AOAH: variants seen among roughly 807,000 people sequenced by gnomAD.
AOAH encodes acyloxyacyl hydrolase (neutrophil).
A neutral mutation model predicts 92.2 loss-of-function variants in AOAH; 64 were observed. The observed-to-expected ratio is 0.69, with a 90% CI of 0.57 to 0.86. The LOEUF is 0.86. Ranked by LOEUF, AOAH falls within the 40% of genes least tolerant of loss-of-function variation. The pLI is 0.00. For synonymous variants in AOAH, 263 were observed against 254.5 expected, an observed-to-expected ratio of 1.03 and a Z score of -0.32; for missense variants, 656 against 694.6, an observed-to-expected ratio of 0.94 and a Z score of 0.62.
chr7:36,654,094 C>T (rs957325283), intron 4 of AOAH, among the ~76,000 whole-genome samples: 1 of 122,750 alleles, frequency 8.1e-6, no homozygotes, highest in Non-Finnish European at 1.9e-5. Flanking sequence ...AAGGGAGAGC[C>T]AGTCACGTGC....
At chr7:36,695,404 A>C (rs1293228137) in intron 1 of AOAH, among the ~76,000 whole-genome samples, 1 of 152,120 alleles carries the variant, frequency 6.6e-6, no homozygotes, top group Non-Finnish European at 1.5e-5. Flanking sequence ...AAATATGAAA[A>C]TTTCTAGAAT....
chr7:36,532,095 C>T, intron 18 of AOAH, 52 bp downstream of exon 18: 1 of 1,603,700 alleles, frequency 6.2e-7, no homozygotes, highest in African/African-American at 1.3e-5. Flanking sequence ...CTGCAGCAAA[C>T]ACAGGGAAAG....
chr7:36,658,590 A>T (rs933187340), intron 4 of AOAH, among the ~76,000 whole-genome samples: 1 of 152,330 alleles, frequency 6.6e-6, no homozygotes, highest in East Asian at 1.9e-4. Flanking sequence ...TGTTATCAAT[A>T]ATGATCATTT....
intron 11 of AOAH, among the ~76,000 whole-genome samples, chr7:36,604,183 A>G (rs1790814215): frequency 6.6e-6 from 1 of 152,164 alleles, no homozygotes; most frequent in Non-Finnish European, 1.5e-5. Context: ...ACCTCTTCAT[A>G]TTAACAGTGG....
intron 12 of AOAH, among the ~76,000 whole-genome samples, chr7:36,580,994 G>A (rs1788891489): frequency 6.6e-6 from 1 of 152,158 alleles, no homozygotes; most frequent in African/African-American, 2.4e-5. Flanking sequence ...CAGTCCAGAG[G>A]CCCTTGACTT....
rs557822538 is a variant in AOAH, at chr7:36,548,679, T to C, written c.1066A>G (p.Arg356Gly). Residue 356 changes from arginine to glycine, a missense_variant, in exon 15 of 21, where the codon AGA becomes GGA. By Grantham distance (125) the Arg-to-Gly change is moderately radical. Coordinates refer to ENST00000617537, the MANE Select transcript of AOAH (RefSeq NM_001637.4). ...NLKKFIESLS[R>G]NKVLDYPAIV... ...GCGGGATAGTCCAACACCTTGTTTC[T>C]AGACAAGCTGAGAAGGCATAGATGG... 8.7e-6 allele frequency: 14 copies of C among 1,613,398 alleles called. No homozygotes were observed. In the East Asian group the frequency reaches 8.9e-5, roughly 10 times the overall value.
At chr7:36,683,419 T>C (rs58909364) in intron 2 of AOAH, among the ~76,000 whole-genome samples, 3,978 of 152,220 alleles carry the variant, frequency 0.026, 142 homozygotes, top group East Asian at 0.099. Flanking sequence ...GAATAGGTGT[T>C]ATATGTAGTG....
intron 15 of AOAH, among the ~76,000 whole-genome samples, chr7:36,543,944 TTTC>T (rs1164198003): frequency 9.5e-5 from 6 of 63,434 alleles, no homozygotes; most frequent in African/African-American, 1.6e-4. Context: ...TCTTTCTTTC[TTTC>T]TTTTTTTTTT....
At chr7:36,712,608 GC>G (rs1334886034) in intron 1 of AOAH, among the ~76,000 whole-genome samples, 2 of 152,182 alleles carry the variant, frequency 1.3e-5, no homozygotes, top group Non-Finnish European at 2.9e-5. Flanking sequence ...AAAAAGGGAA[GC>G]CCATCAGACT....
At chr7:36,559,731 C>T (rs1488080536) in intron 13 of AOAH, among the ~76,000 whole-genome samples, 1 of 152,126 alleles carries the variant, frequency 6.6e-6, no homozygotes, top group African/African-American at 2.4e-5. Context: ...TGTCCAGAAG[C>T]TCTTTAATTA....
intron 2 of AOAH, among the ~76,000 whole-genome samples, chr7:36,679,134 T>C (rs994792215): frequency 1.3e-5 from 2 of 152,134 alleles, no homozygotes; most frequent in East Asian, 3.8e-4. Context: ...AAATAAAACA[T>C]AGGACATTCC....
rs993161070 is a variant in AOAH, at chr7:36,616,614, A to G, written c.752-140T>C. 2.2e-5 allele frequency: 15 copies of G among 678,912 alleles called. No homozygotes were observed. In the East Asian group the frequency reaches 3.8e-4, roughly 17 times the overall value. 42.1% of individuals were successfully genotyped at this position (678,912 alleles called of 1,614,324 possible). ...ACAGTAATGCATTACCACTTTTCGCATGTTTGAGAGTGAGGGGCATAGCAT... is the reference window on the plus strand; with the variant it reads ...ACAGTAATGCATTACCACTTTTCGCGTGTTTGAGAGTGAGGGGCATAGCAT... On this transcript the variant is annotated intron_variant, in intron 10 of 20. Transcript: ENST00000617537.
chr7:36,658,062 T>A lies in AOAH; in HGVS notation c.390+1104A>T, dbSNP rs79405064. ...TTGAACACATGAAAAGTTTTTTTTTTAATTAAAGTTAACTAACTCTTCTAG... is the reference window on the plus strand; with the variant it reads ...TTGAACACATGAAAAGTTTTTTTTTAAATTAAAGTTAACTAACTCTTCTAG... On this transcript the variant is annotated intron_variant, in intron 4 of 20. Coordinates refer to ENST00000617537, the MANE Select transcript of AOAH (RefSeq NM_001637.4). 1.2e-4 allele frequency among the ~76,000 whole-genome samples: 18 copies of A among 152,308 alleles called. No homozygotes were observed. In the East Asian group the frequency reaches 3.1e-3, roughly 26 times the overall value.
Position 36,585,534 on chromosome 7 carries a change from G to T in AOAH, c.938+8805C>A, listed in dbSNP as rs1465785475. Among the ~76,000 whole-genome samples the T allele has an allele frequency of 3.3e-5, 5 of 152,138 alleles. No individual in the cohort carries two copies. The East Asian group carries it at 9.6e-4, about 29-fold the overall frequency. ...ATATTCCAAAGAGTCAGTACAAAAT[G>T]CTCATTGCAGCATTACGAAGAATAA... On this transcript the variant is annotated intron_variant, in intron 12 of 20. Transcript: ENST00000617537.
intron 4 of AOAH, among the ~76,000 whole-genome samples, chr7:36,658,256 A>G (rs1795005323): frequency 1.3e-5 from 2 of 152,160 alleles, no homozygotes; most frequent in Admixed American, 1.3e-4. Context: ...CAGCAAAATC[A>G]TGGTCATTGG....
chr7:36,532,744 A>G lies in AOAH; in HGVS notation c.1307-400T>C, dbSNP rs568434398. On this transcript the variant is annotated intron_variant, in intron 16 of 20. Coordinates refer to ENST00000617537, the MANE Select transcript of AOAH (RefSeq NM_001637.4). Reference sequence around the variant, plus strand: ...GTATGAAATGCTCCCTGCATGGGGCACAGGGAACATTCGAGGTGGCGGTTG... The same window carrying G: ...GTATGAAATGCTCCCTGCATGGGGCGCAGGGAACATTCGAGGTGGCGGTTG... 5.9e-5 allele frequency among the ~76,000 whole-genome samples: 9 copies of G among 152,308 alleles called. No individual in the cohort carries two copies. The South Asian group carries it at 1.9e-3, about 32-fold the overall frequency.
At chr7:36,593,216 C>T (rs192256552) in intron 12 of AOAH, among the ~76,000 whole-genome samples, 1 of 152,322 alleles carries the variant, frequency 6.6e-6, no homozygotes, top group East Asian at 1.9e-4. Context: ...GGGACAAGCC[C>T]TATCTACCTT....
chr7:36,531,065 C>T (rs2392443), intron 18 of AOAH, among the ~76,000 whole-genome samples: 60,389 of 151,998 alleles, frequency 0.4, 13,747 homozygotes, highest in East Asian at 0.53. Flanking sequence ...AATATAGTCA[C>T]GTATAAACTT....
chr7:36,595,165 T>G (rs1295822947), intron 11 of AOAH, among the ~76,000 whole-genome samples: 1 of 152,234 alleles, frequency 6.6e-6, no homozygotes, highest in African/African-American at 2.4e-5. Context: ...TAATCTCTCC[T>G]GTGGTCTAAA....
Sources: allele counts gnomAD v4.1 joint callset (sites outside exome capture counted in the v4.1 genomes callset), GRCh38; gene constraint gnomAD v4.1.1; transcripts MANE v1.5; gene names NCBI Gene and HGNC (gene_info 2026-07-23, HGNC 2026-07-21).